ELP1: variants seen among roughly 807,000 people sequenced by gnomAD.
ELP1 encodes the protein elongator acetyltransferase complex subunit 1, also known as elongator complex protein 1.
ELP1 carries 131 observed loss-of-function variants against 183.2 expected under a neutral mutation model. That is an observed-to-expected ratio of 0.72 (90% CI 0.62 to 0.83). ELP1 has a LOEUF of 0.83. Among genes scored for constraint, ELP1 ranks in the 40% least tolerant of loss-of-function variants. The pLI is 0.00. For missense variants in ELP1, 1,550 were observed against 1,594.9 expected (o/e 0.97, Z 0.48); for synonymous variants, 555 against 569.0 (o/e 0.98, Z 0.35).
intron 16 of ELP1, among the ~76,000 whole-genome samples, chr9:108,902,457 C>A (rs988795048): frequency 6.6e-6 from 1 of 152,194 alleles, no homozygotes; most frequent in African/African-American, 2.4e-5. Context: ...TGTTTTCCAG[C>A]CACTGCATTC....
chr9:108,893,157 T>G, intron 26 of ELP1, 74 bp from the exon 27 acceptor site: 1 of 994,678 alleles, frequency 1.0e-6, no homozygotes, highest in Non-Finnish European at 1.6e-6. Flanking sequence ...ATACCAATGG[T>G]CACCAAACAA....
At chr9:108,890,256 G>C (rs1444571919) in intron 28 of ELP1, among the ~76,000 whole-genome samples, 1 of 152,164 alleles carries the variant, frequency 6.6e-6, no homozygotes, top group Non-Finnish European at 1.5e-5. Flanking sequence ...GGCCAGCATG[G>C]AAACGGAGGG....
chr9:108,883,082 G>T (rs1299461929), intron 29 of ELP1, among the ~76,000 whole-genome samples: 1 of 152,170 alleles, frequency 6.6e-6, no homozygotes, highest in Admixed American at 6.5e-5. Context: ...TTTATTGATT[G>T]TGTTTTTGGT....
chr9:108,915,656 C>A (rs1308375953), intron 10 of ELP1, among the ~76,000 whole-genome samples: 1 of 151,684 alleles, frequency 6.6e-6, no homozygotes. Flanking sequence ...ACTCTCTCTC[C>A]CTCCCGCCCC....
chr9:108,870,409 G>C (rs1219706825), intron 36 of ELP1, among the ~76,000 whole-genome samples: 1 of 152,138 alleles, frequency 6.6e-6, no homozygotes, highest in Non-Finnish European at 1.5e-5. Context: ...AAGTAAGCTA[G>C]AGAAAAGAAA....
chr9:108,930,405 T>C (rs762673158), intron 2 of ELP1, among the ~76,000 whole-genome samples: 9 of 152,310 alleles, frequency 5.9e-5, no homozygotes, highest in African/African-American at 2.2e-4. Flanking sequence ...GAAAGCTCCA[T>C]GGGCAACTTT....
intron 29 of ELP1, among the ~76,000 whole-genome samples, chr9:108,887,783 C>G (rs1050762507): frequency 4.6e-5 from 7 of 152,150 alleles, no homozygotes; most frequent in Admixed American, 1.3e-4. Context: ...GATAATACAT[C>G]TAGTGTCACA....
chr9:108,905,061 T>C (rs1175155373), intron 14 of ELP1, among the ~76,000 whole-genome samples: 1 of 152,210 alleles, frequency 6.6e-6, no homozygotes, highest in African/African-American at 2.4e-5. Flanking sequence ...GGTAATCTAA[T>C]GGCTTACTTT....
At chr9:108,906,120 A>C (rs1300528611) in intron 14 of ELP1, among the ~76,000 whole-genome samples, 183 bp downstream of exon 14, 1 of 152,188 alleles carries the variant, frequency 6.6e-6, no homozygotes, top group Non-Finnish European at 1.5e-5. Context: ...TTTTTGATAT[A>C]TTTTTGGTCT....
In ELP1 at chr9:108,918,910, G is replaced by A. The variant is rs763661518; in HGVS notation, c.650-9C>T. 6.2e-7 allele frequency: 1 copy of A among 1,609,218 alleles called. No homozygotes were observed. Among genetic ancestry groups the A allele is most frequent in the African/African-American group, 1.3e-5 (1 of 74,844 alleles). On this transcript the variant is annotated splice_polypyrimidine_tract_variant and intron_variant, in intron 7 of 36. Transcript: ENST00000374647. ...TCTGACCTTCCGAGCCCCTGTGCGGGAGTGGAGTCAAACACACATACACAC... is the reference window on the plus strand; with the variant it reads ...TCTGACCTTCCGAGCCCCTGTGCGGAAGTGGAGTCAAACACACATACACAC...
chr9:108,927,508 C>G (rs557086957), intron 3 of ELP1, 55 bp from the exon 4 acceptor site: 1 of 1,305,760 alleles, frequency 7.7e-7, no homozygotes, highest in East Asian at 2.3e-5. Context: ...TCAGTAAAAA[C>G]TGACTGCAAC....
intron 29 of ELP1, among the ~76,000 whole-genome samples, chr9:108,884,876 T>C (rs1050094821): frequency 1.4e-5 from 2 of 147,592 alleles, no homozygotes; most frequent in African/African-American, 5.0e-5. Flanking sequence ...AGGCCAGGAG[T>C]TTCAGACCAG....
chr9:108,917,620 T>A lies in ELP1; in HGVS notation c.791A>T (p.Asp264Val). ...ASTQDKPNQQ[D>V]IVFFEKNGLL... ...TCCATTTTTCTCAAAAAACACAATATCCTGCTGGTTGGGTTTATCTTGTGT... is the reference window on the plus strand; with the variant it reads ...TCCATTTTTCTCAAAAAACACAATAACCTGCTGGTTGGGTTTATCTTGTGT... The change falls in exon 9 of 37, where the codon GAT (aspartate) becomes GTT (valine). Residue 264 changes from aspartate to valine, a missense_variant. Physicochemically the swap from Asp to Val is radical, Grantham distance 152. Coordinates refer to ENST00000374647, the MANE Select transcript of ELP1 (RefSeq NM_003640.5). 6.2e-7 allele frequency: 1 copy of A among 1,613,982 alleles called. No individual in the cohort carries two copies. Among genetic ancestry groups the A allele is most frequent in the Non-Finnish European group, 8.5e-7 (1 of 1,179,874 alleles).
rs1827875285 is a variant in ELP1 at position 108,880,259 on chromosome 9, G to A, written c.3347-94C>T. ...AGCAGTGAAGGAGGGTTAAAATTCA[G>A]CAAAAAGAAAGAGGTTACTAGGTTT... On this transcript the variant is annotated intron_variant, in intron 31 of 36. Transcript: ENST00000374647. 4.9e-6 allele frequency: 4 copies of A among 821,600 alleles called. No homozygotes were observed. In the East Asian group the frequency reaches 7.5e-5, roughly 15 times the overall value. The allele number at this position is 821,600 out of a possible 1,614,324, so 50.9% of individuals were successfully genotyped here. A position where few individuals can be genotyped will look rare whatever the true frequency, so the allele number is the denominator to read the frequency against.
chr9:108,915,451 AAAG>A (rs1363787997), intron 10 of ELP1, among the ~76,000 whole-genome samples: 4 of 152,250 alleles, frequency 2.6e-5, no homozygotes, highest in South Asian at 2.1e-4. Flanking sequence ...GCTTCGCAGA[AAAG>A]AAGAAATTCT....
At chr9:108,894,293 C>T (rs1004589649) in intron 25 of ELP1, among the ~76,000 whole-genome samples, 8 of 152,170 alleles carry the variant, frequency 5.3e-5, no homozygotes, top group Non-Finnish European at 1.0e-4. Flanking sequence ...AAGCATACCC[C>T]AGTCCTACAT....
intron 10 of ELP1, among the ~76,000 whole-genome samples, chr9:108,915,099 A>C (rs1175373881): frequency 6.6e-6 from 1 of 152,212 alleles, no homozygotes; most frequent in African/African-American, 2.4e-5. Flanking sequence ...AATACTTAAA[A>C]CCACACACTT....
intron 12 of ELP1, among the ~76,000 whole-genome samples, chr9:108,910,734 T>C (rs983267923): frequency 1.3e-5 from 2 of 151,838 alleles, no homozygotes; most frequent in African/African-American, 2.4e-5. Flanking sequence ...ATGTATAACA[T>C]ACTATGTTAT....
At chr9:108,903,881 G>A (rs1296624509) in intron 14 of ELP1, among the ~76,000 whole-genome samples, 1 of 151,492 alleles carries the variant, frequency 6.6e-6, no homozygotes, top group Non-Finnish European at 1.5e-5. Flanking sequence ...ACGGTTAGAT[G>A]AATAGATAAA....
Sources: gnomAD v4.1 joint callset for allele counts (sites outside exome capture counted in the v4.1 genomes callset) on GRCh38, gnomAD v4.1.1 for gene constraint, MANE v1.5 for transcripts, NCBI Gene and HGNC (gene_info 2026-07-23, HGNC 2026-07-21) for gene names.